MYCBP2: variants seen among roughly 807,000 people sequenced by gnomAD.
The protein encoded by MYCBP2 is MYC binding protein 2, also known as E3 ubiquitin-protein ligase MYCBP2.
A neutral mutation model predicts 525.3 loss-of-function variants in MYCBP2; 120 were observed. The ratio of observed to expected loss-of-function variants is 0.23; its 90% CI spans 0.20 to 0.27. MYCBP2 has a LOEUF of 0.27. Among genes scored for constraint, MYCBP2 ranks in the 10% least tolerant of loss-of-function variants. MYCBP2 has a pLI of 1.00. For missense variants in MYCBP2, 4,149 were observed against 5,657.1 expected, an observed-to-expected ratio of 0.73 and a Z score of 8.55; for synonymous variants, 1,894 against 1,955.8, an observed-to-expected ratio of 0.97 and a Z score of 0.83.
intron 77 of MYCBP2, 91 bp downstream of exon 77, chr13:77,059,432 G>A: frequency 1.1e-6 from 1 of 936,338 alleles, no homozygotes; most frequent in South Asian, 1.3e-5. Flanking sequence ...GGAAGCTGGA[G>A]TGACGCTGAG....
At chr13:77,056,114 G>GTGTA (rs1555291229) in intron 79 of MYCBP2, among the ~76,000 whole-genome samples, 4 of 136,740 alleles carry the variant, frequency 2.9e-5, no homozygotes, top group Non-Finnish European at 6.6e-5. Flanking sequence ...GTGTGTGTGT[G>GTGTA]TGTGTGTGTG....
chr13:77,137,852 G>A (rs749756153), intron 52 of MYCBP2, among the ~76,000 whole-genome samples: 2 of 152,032 alleles, frequency 1.3e-5, no homozygotes, highest in Non-Finnish European at 2.9e-5. Flanking sequence ...CAAAAGTGCT[G>A]GGATTACAGG....
intron 1 of MYCBP2, among the ~76,000 whole-genome samples, chr13:77,301,539 T>C (rs1363664514): frequency 1.3e-5 from 2 of 151,892 alleles, no homozygotes; most frequent in African/African-American, 4.8e-5. Flanking sequence ...CCTCACTGGA[T>C]TGAGATAATC....
At chr13:77,064,048 A>G (rs2039793471) in intron 73 of MYCBP2, among the ~76,000 whole-genome samples, 1 of 152,202 alleles carries the variant, frequency 6.6e-6, no homozygotes, top group Non-Finnish European at 1.5e-5. Flanking sequence ...TTCTGGAAGT[A>G]TATGGGACAT....
At chr13:77,293,029 G>C (rs1172734698) in intron 2 of MYCBP2, among the ~76,000 whole-genome samples, 1 of 150,270 alleles carries the variant, frequency 6.7e-6, no homozygotes, top group Non-Finnish European at 1.5e-5. Context: ...TCTGAACTTT[G>C]ACTGCAGTAG....
chr13:77,221,052 A>T (rs1420100367), intron 20 of MYCBP2, among the ~76,000 whole-genome samples: 1 of 152,188 alleles, frequency 6.6e-6, no homozygotes, highest in African/African-American at 2.4e-5. Context: ...TATGGTTGGT[A>T]AGAAGTGAAG....
rs771213849 is a variant in MYCBP2, at chr13:77,270,368, A to G, written c.1116T>C (p.Asp372=). The change falls in exon 6 of 83, where the codon GAT becomes GAC. Residue 372 remains aspartate (D), a synonymous_variant. Coordinates refer to ENST00000544440, the MANE Select transcript of MYCBP2 (RefSeq NM_015057.5). ...TGCATAATAGATAAAGAAAAAATCCATCATTCTGAAGTAGACATTGGTCAT... is the reference window on the plus strand; with the variant it reads ...TGCATAATAGATAAAGAAAAAATCCGTCATTCTGAAGTAGACATTGGTCAT... The part of the protein sequence containing the change: ...DEDDQCLLQN[D]GFFLYLLCKD... The G allele has an allele frequency of 3.7e-6, 6 of 1,613,718 alleles. No homozygotes were observed. The South Asian group carries it at 4.4e-5, about 12-fold the overall frequency.
At chr13:77,051,332 AT>A (rs2036764044) in intron 81 of MYCBP2, among the ~76,000 whole-genome samples, 170 bp from the exon 82 acceptor site, 1 of 152,350 alleles carries the variant, frequency 6.6e-6, no homozygotes, top group African/African-American at 2.4e-5. Context: ...TAACAAATAA[AT>A]ATGTGGCCTG....
At position 77,270,093 on chromosome 13, in the gene MYCBP2, G is replaced by A. The variant is rs773114134; in HGVS notation, c.1189-30C>T. ...AAAAAAAACAAAAGTTAGTATATCA[G>A]TGGTTTCATAATTAATAATCAATGA... is the stretch of plus-strand genomic sequence containing the variant. On this transcript the variant is annotated intron_variant, in intron 6 of 82. Coordinates refer to ENST00000544440, the MANE Select transcript of MYCBP2 (RefSeq NM_015057.5). The A allele has an allele frequency of 1.9e-6, 3 of 1,559,762 alleles. No homozygotes were observed. In the South Asian group the frequency reaches 3.6e-5, roughly 19 times the overall value.
chr13:77,294,113 T>TATATATATATAC (rs2077824873), intron 2 of MYCBP2, among the ~76,000 whole-genome samples: 5 of 52,888 alleles, frequency 9.5e-5, no homozygotes, highest in Non-Finnish European at 9.3e-5. Context: ...GCTATATATA[T>TATATATATATAC]ATATATATAT....
chr13:77,230,591 T>C (rs752930444), intron 18 of MYCBP2, among the ~76,000 whole-genome samples: 2 of 152,238 alleles, frequency 1.3e-5, no homozygotes, highest in Admixed American at 1.3e-4. Context: ...TGATATTTCA[T>C]ATACAAATTA....
Position 77,326,110 on chromosome 13 carries a change from T to A in MYCBP2, c.302+364A>T, listed in dbSNP as rs1029436092. ...CAATTCTCTTCGTGTATCATCCTCT[T>A]ACCCTCTCTACCCATGCCACCTCCT... On this transcript the variant is annotated intron_variant, in intron 1 of 82. Coordinates refer to ENST00000544440, the MANE Select transcript of MYCBP2 (RefSeq NM_015057.5). This position sits in a 1 kb window ranked among gnomAD's most constrained non-coding sequence, Gnocchi z 4.2. Among the ~76,000 whole-genome samples the A allele has an allele frequency of 2.6e-5, 4 of 151,848 alleles. No individual in the cohort carries two copies. Among genetic ancestry groups the A allele is most frequent in the African/African-American group, 7.3e-5 (3 of 41,298 alleles).
Position 77,084,577 on chromosome 13 carries a change from G to A in MYCBP2, c.10876-1385C>T, listed in dbSNP as rs1391560767. On this transcript the variant is annotated intron_variant, in intron 62 of 82. Coordinates refer to ENST00000544440, the MANE Select transcript of MYCBP2 (RefSeq NM_015057.5). Reference sequence around the variant, plus strand: ...TATTTCAGTTTTGCCCTTGATTTTAGGCACTGCCCTTACTCCTAAGGCATG... The same window carrying A: ...TATTTCAGTTTTGCCCTTGATTTTAAGCACTGCCCTTACTCCTAAGGCATG... 3.9e-5 allele frequency among the ~76,000 whole-genome samples: 6 copies of A among 152,078 alleles called. No homozygotes were observed. In the East Asian group the frequency reaches 1.2e-3, roughly 29 times the overall value.
At chr13:77,078,495 TA>T (rs2042721195) in intron 66 of MYCBP2, among the ~76,000 whole-genome samples, 1 of 152,164 alleles carries the variant, frequency 6.6e-6, no homozygotes, top group African/African-American at 2.4e-5. Flanking sequence ...ACTCAAAGTA[TA>T]GGTGAAGTAA....
At chr13:77,265,192 A>C (rs1327851345) in intron 8 of MYCBP2, among the ~76,000 whole-genome samples, 1 of 152,110 alleles carries the variant, frequency 6.6e-6, no homozygotes, top group Non-Finnish European at 1.5e-5. Context: ...CTGGTAGCCC[A>C]AGAGACTTGG....
Position 77,143,930 on chromosome 13 carries a change from T to C in MYCBP2, c.7303+515A>G, listed in dbSNP as rs183090961. On this transcript the variant is annotated intron_variant, in intron 49 of 82. Transcript: ENST00000544440. ...AAAATCTTATAGGACCACCATTATATACGCTGTTCGTCACTGACCAAAATG... is the reference window on the plus strand; with the variant it reads ...AAAATCTTATAGGACCACCATTATACACGCTGTTCGTCACTGACCAAAATG... Among the ~76,000 whole-genome samples the C allele has an allele frequency of 6.6e-5, 10 of 152,358 alleles. No individual in the cohort carries two copies. The East Asian group carries it at 1.7e-3, about 26-fold the overall frequency.
chr13:77,296,750 T>C (rs1249018806), intron 1 of MYCBP2, 76 bp from the exon 2 acceptor site: 5 of 1,116,888 alleles, frequency 4.5e-6, no homozygotes, highest in Non-Finnish European at 6.1e-6. Context: ...AAAATGGGTA[T>C]TTCCAAAGTA....
intron 49 of MYCBP2, 43 bp from the exon 50 acceptor site, chr13:77,140,986 A>T: frequency 1.4e-6 from 2 of 1,393,146 alleles, no homozygotes. Flanking sequence ...AGAAAAAAAG[A>T]GAAGGAAGAT....
At chr13:77,185,464 C>T in intron 31 of MYCBP2, 87 bp from the exon 32 acceptor site, 1 of 1,338,044 alleles carries the variant, frequency 7.5e-7, no homozygotes, top group Non-Finnish European at 1.0e-6. Flanking sequence ...ATTCCCTATA[C>T]AGCTAAGTAT....
Sources: allele counts gnomAD v4.1 joint callset (sites outside exome capture counted in the v4.1 genomes callset), GRCh38; gene constraint gnomAD v4.1.1; non-coding constraint Gnocchi (gnomAD v3.1); transcripts MANE v1.5; gene names NCBI Gene and HGNC (gene_info 2026-07-23, HGNC 2026-07-21).